SLIT3: variants seen among roughly 807,000 people sequenced by gnomAD.
The protein encoded by SLIT3 is slit guidance ligand 3.
In SLIT3, 68 loss-of-function variants were observed where a neutral mutation model predicts 184.0. The ratio of observed to expected loss-of-function variants is 0.37; its 90% confidence interval spans 0.30 to 0.45. The LOEUF is 0.45. Among genes scored for constraint, SLIT3 ranks in the 20% least tolerant of loss-of-function variants. The pLI is 1.00. For missense variants in SLIT3, 1,707 were observed against 2,026.0 expected, an observed-to-expected ratio of 0.84 and a Z score of 3.02; for synonymous variants, 831 against 828.6, an observed-to-expected ratio of 1.00 and a Z score of -0.05.
chr5:168,966,664 A>C (rs182846729), intron 4 of SLIT3, among the ~76,000 whole-genome samples: 11 of 152,142 alleles, frequency 7.2e-5, no homozygotes, highest in African/African-American at 2.6e-4. Context: ...TGCAAAACCT[A>C]TTTCTGGGCA....
intron 28 of SLIT3, among the ~76,000 whole-genome samples, chr5:168,694,968 G>A (rs1157543672): frequency 6.6e-6 from 1 of 152,184 alleles, no homozygotes; most frequent in Non-Finnish European, 1.5e-5. Context: ...CTTGTCTGGG[G>A]TCCTAGGAAG....
At chr5:169,159,062 C>A (rs1456363201) in intron 4 of SLIT3, among the ~76,000 whole-genome samples, 1 of 150,444 alleles carries the variant, frequency 6.6e-6, no homozygotes, top group Non-Finnish European at 1.5e-5. Context: ...GCGGGCAGAT[C>A]ACCTGAGGTC....
chr5:168,695,920 G>A (rs543693650), intron 28 of SLIT3, among the ~76,000 whole-genome samples: 1 of 152,280 alleles, frequency 6.6e-6, no homozygotes, highest in East Asian at 1.9e-4. Context: ...TGGAAAATGT[G>A]GATTTCAAGA....
At chr5:169,244,915 G>A (rs1244273030) in intron 2 of SLIT3, 139 bp from the exon 3 acceptor site, 4 of 739,026 alleles carry the variant, frequency 5.4e-6, no homozygotes, top group Non-Finnish European at 9.3e-6. Flanking sequence ...CAGTCTGATG[G>A]GACAAGATAA....
Position 169,192,423 on chromosome 5 carries a change from CTGT to C in SLIT3, c.413+1053_413+1055del, listed in dbSNP as rs1404361429. On this transcript the variant is annotated intron_variant, in intron 4 of 35. Coordinates refer to ENST00000519560, the MANE Select transcript of SLIT3 (RefSeq NM_003062.4). ...TAAAATAAATTTATGTATATAGTCT[CTGT>C]GTGTGTGTGTGTGTGTGTGTGTGTG... Among the ~76,000 whole-genome samples, 5 of 148,278 alleles carry C rather than the reference CTGT, an allele frequency of 3.4e-5. No individual in the cohort carries two copies. The East Asian group carries it at 9.9e-4, about 29-fold the overall frequency.
At chr5:169,028,076 T>C (rs1203970291) in intron 4 of SLIT3, among the ~76,000 whole-genome samples, 1 of 152,154 alleles carries the variant, frequency 6.6e-6, no homozygotes, top group Non-Finnish European at 1.5e-5. Context: ...AAAGCATTCA[T>C]TTTTAAGACA....
chr5:169,018,203 AT>A (rs894084262), intron 4 of SLIT3, among the ~76,000 whole-genome samples: 1 of 152,060 alleles, frequency 6.6e-6, no homozygotes, highest in African/African-American at 2.4e-5. Context: ...CCAAACCCAC[AT>A]TTTTTGCAAG....
At chr5:168,786,080 C>A in intron 11 of SLIT3, 102 bp from the exon 12 acceptor site, 1 of 770,278 alleles carries the variant, frequency 1.3e-6, no homozygotes, top group Non-Finnish European at 2.3e-6. Context: ...GGTATGAGAT[C>A]TCAGGACAAC....
chr5:168,961,712 G>T (rs1223908048), intron 4 of SLIT3, among the ~76,000 whole-genome samples: 2 of 152,164 alleles, frequency 1.3e-5, no homozygotes, highest in Non-Finnish European at 2.9e-5. Flanking sequence ...TTGGTAAAAA[G>T]CTCTGTGTGG....
intron 3 of SLIT3, among the ~76,000 whole-genome samples, chr5:169,240,189 T>A (rs545980431): frequency 1.8e-4 from 27 of 152,168 alleles, no homozygotes; most frequent in Middle Eastern, 6.8e-3. Context: ...AATAAAACTT[T>A]CATATGCCCT....
At chr5:168,837,861 A>T (rs1758105698) in intron 6 of SLIT3, among the ~76,000 whole-genome samples, 1 of 152,250 alleles carries the variant, frequency 6.6e-6, no homozygotes, top group Admixed American at 6.5e-5. Context: ...TTTTTCAATA[A>T]GGAAATGAAC....
intron 4 of SLIT3, among the ~76,000 whole-genome samples, chr5:168,902,465 T>C (rs183576385): frequency 1.3e-5 from 2 of 152,210 alleles, no homozygotes; most frequent in Non-Finnish European, 2.9e-5. Context: ...CAATGCGTGA[T>C]AAGCAGTCAG....
intron 5 of SLIT3, among the ~76,000 whole-genome samples, chr5:168,855,294 G>A (rs137858508): frequency 0.016 from 2,389 of 152,354 alleles, 30 homozygotes; most frequent in Middle Eastern, 0.037. Flanking sequence ...TACAGCTGCT[G>A]TGGAAAACAG....
chr5:168,749,691 G>C (rs1754632134), intron 18 of SLIT3, 56 bp from the exon 19 acceptor site: 4 of 1,590,132 alleles, frequency 2.5e-6, no homozygotes, highest in African/African-American at 1.3e-5. Context: ...AGCGGCCCTG[G>C]GATCTGCTGC....
chr5:169,144,862 T>C (rs1472659189), intron 4 of SLIT3, among the ~76,000 whole-genome samples: 1 of 152,068 alleles, frequency 6.6e-6, no homozygotes, highest in Non-Finnish European at 1.5e-5. Context: ...AGAAAAGAAG[T>C]AGCAAGACGG....
chr5:168,892,689 G>T (rs1266702488), intron 4 of SLIT3, among the ~76,000 whole-genome samples: 1 of 152,210 alleles, frequency 6.6e-6, no homozygotes, highest in Non-Finnish European at 1.5e-5. Flanking sequence ...AGGGCTATCA[G>T]AGTTAACTGA....
chr5:169,118,903 C>A (rs1479114445), intron 4 of SLIT3, among the ~76,000 whole-genome samples: 1 of 152,032 alleles, frequency 6.6e-6, no homozygotes, highest in African/African-American at 2.4e-5. Context: ...TTTTTTTTTA[C>A]AGTTTTAGTG....
intron 1 of SLIT3, among the ~76,000 whole-genome samples, chr5:169,291,006 G>T (rs1767347072): frequency 6.6e-6 from 1 of 152,160 alleles, no homozygotes; most frequent in Non-Finnish European, 1.5e-5. Context: ...AGACTTTCAG[G>T]AGCCACAGGA....
intron 20 of SLIT3, 70 bp from the exon 21 acceptor site, chr5:168,724,554 C>G (rs1383519522): frequency 3.0e-6 from 4 of 1,353,876 alleles, no homozygotes; most frequent in African/African-American, 1.4e-5. Context: ...TTCAGAGAAG[C>G]CTCCCTGACT....
Sources: allele counts gnomAD v4.1 joint callset (sites outside exome capture counted in the v4.1 genomes callset), GRCh38; gene constraint gnomAD v4.1.1; transcripts MANE v1.5; gene names NCBI Gene and HGNC (gene_info 2026-07-23, HGNC 2026-07-21).